Variants in RANBP9 observed in about 807,000 individuals in gnomAD.
RANBP9 encodes RAN binding protein 9.
A neutral mutation model predicts 84.3 loss-of-function variants in RANBP9; 15 were observed. The ratio of observed to expected loss-of-function variants is 0.18; its 90% CI spans 0.12 to 0.27. RANBP9 has a LOEUF of 0.27. Ranked by LOEUF, RANBP9 falls within the 10% of genes least tolerant of loss-of-function variation. The probability of loss-of-function intolerance (pLI) is 1.00; values close to 1 mark genes in which losing one functional copy is unlikely to be tolerated. For missense variants in RANBP9, 809 were observed against 912.8 expected (o/e 0.89, Z 1.46); for synonymous variants, 392 against 349.6 (o/e 1.12, Z -1.35).
intron 2 of RANBP9, among the ~76,000 whole-genome samples, chr6:13,693,720 A>G (rs950534362): frequency 3.3e-5 from 5 of 152,238 alleles, no homozygotes; most frequent in African/African-American, 1.2e-4. Context: ...CTCAGGAGAA[A>G]AAAATGTATA....
At chr6:13,642,384 A>AT (rs1175082620) in intron 7 of RANBP9, 95 bp downstream of exon 7, 1 of 528,902 alleles carries the variant, frequency 1.9e-6, no homozygotes, top group Non-Finnish European at 2.9e-6. Context: ...TATATTTGAA[A>AT]TTTTTTTAAT....
In RANBP9 at chr6:13,652,559, C is replaced by T. The variant is rs893242487; in HGVS notation, c.927+100G>A. The T allele has an allele frequency of 2.0e-5, 23 of 1,143,826 alleles. No homozygotes were observed. The African/African-American group carries it at 3.3e-4, about 16-fold the overall frequency. 70.9% of individuals were successfully genotyped at this position (1,143,826 alleles called of 1,614,324 possible). A position where few individuals can be genotyped will look rare whatever the true frequency, so the allele number is the denominator to read the frequency against. ...CATGTCATATAAACCTAATAAATAT[C>T]AATAAGACTGTATTTTAAACTTTCT... is the stretch of plus-strand genomic sequence containing the variant. On this transcript the variant is annotated intron_variant, in intron 5 of 13. Coordinates refer to ENST00000011619, the MANE Select transcript of RANBP9 (RefSeq NM_005493.3).
chr6:13,642,842 G>A (rs1047945214), intron 6 of RANBP9, among the ~76,000 whole-genome samples: 3 of 152,108 alleles, frequency 2.0e-5, no homozygotes, highest in Admixed American at 6.5e-5. Context: ...TATTACTTGA[G>A]AATCAAGGAC....
intron 2 of RANBP9, among the ~76,000 whole-genome samples, chr6:13,661,334 T>C (rs1365234959): frequency 2.0e-5 from 3 of 152,056 alleles, no homozygotes; most frequent in East Asian, 1.9e-4. Context: ...GAGGAATGAA[T>C]TGAAAATCAA....
chr6:13,623,089 A>C (rs1172048301), intron 13 of RANBP9, among the ~76,000 whole-genome samples: 4 of 152,336 alleles, frequency 2.6e-5, no homozygotes, highest in South Asian at 4.1e-4. Context: ...ACATTTAAAA[A>C]AATGCCAATA....
chr6:13,622,815 G>A (rs768094540), intron 13 of RANBP9, among the ~76,000 whole-genome samples: 4 of 152,180 alleles, frequency 2.6e-5, no homozygotes, highest in Non-Finnish European at 5.9e-5. Flanking sequence ...TGGAGAGTAA[G>A]GAATTATTTC....
intron 8 of RANBP9, 47 bp from the exon 9 acceptor site, chr6:13,639,800 CTTTTA>C (rs764758468): frequency 2.1e-6 from 3 of 1,457,848 alleles, no homozygotes; most frequent in Non-Finnish European, 9.4e-7. Flanking sequence ...TTCAAATGGC[CTTTTA>C]TTTAATAGCA....
intron 2 of RANBP9, among the ~76,000 whole-genome samples, chr6:13,670,171 T>C (rs1765741673): frequency 6.6e-6 from 1 of 152,088 alleles, no homozygotes; most frequent in South Asian, 2.1e-4. Flanking sequence ...CACATGCCTG[T>C]AGTCCCAGCT....
intron 2 of RANBP9, among the ~76,000 whole-genome samples, chr6:13,681,782 G>T (rs1270027054): frequency 6.6e-6 from 1 of 151,844 alleles, no homozygotes; most frequent in Non-Finnish European, 1.5e-5. Context: ...AATAACAAAA[G>T]AATAAATCAA....
intron 2 of RANBP9, among the ~76,000 whole-genome samples, chr6:13,692,540 A>C (rs1289194488): frequency 8.3e-5 from 12 of 145,408 alleles, no homozygotes; most frequent in African/African-American, 5.1e-5. Flanking sequence ...AAAAAAAAAA[A>C]AAAAAAAAAA....
intron 4 of RANBP9, among the ~76,000 whole-genome samples, chr6:13,654,307 T>G (rs145059188): frequency 1.6e-3 from 241 of 152,334 alleles, no homozygotes; most frequent in African/African-American, 5.5e-3. Flanking sequence ...TCCTGATTTG[T>G]CAGGCTTTTT....
chr6:13,625,824 T>C (rs1301484513), intron 12 of RANBP9, 60 bp from the exon 13 acceptor site: 13 of 1,251,866 alleles, frequency 1.0e-5, no homozygotes, highest in Non-Finnish European at 1.5e-5. Context: ...TGCTCACAAA[T>C]GTTTCCAAGT....
chr6:13,698,787 G>C (rs996515920), intron 1 of RANBP9, among the ~76,000 whole-genome samples: 1 of 152,156 alleles, frequency 6.6e-6, no homozygotes, highest in Non-Finnish European at 1.5e-5. Flanking sequence ...GGAAGATAAT[G>C]AAACTCGCCC....
intron 3 of RANBP9, 89 bp downstream of exon 3, chr6:13,658,691 T>C (rs927624177): frequency 8.5e-5 from 89 of 1,049,234 alleles, no homozygotes; most frequent in Admixed American, 1.2e-4. Flanking sequence ...AAAATCAGTA[T>C]CTTTAAATAT....
chr6:13,635,807 A>C (rs966709454), intron 10 of RANBP9, among the ~76,000 whole-genome samples: 30 of 151,780 alleles, frequency 2.0e-4, no homozygotes, highest in African/African-American at 6.8e-4. Context: ...AAAAATACTA[A>C]ACTTTTTTTT....
At chr6:13,672,419 T>C (rs1765797055) in intron 2 of RANBP9, among the ~76,000 whole-genome samples, 1 of 152,062 alleles carries the variant, frequency 6.6e-6, no homozygotes, top group Non-Finnish European at 1.5e-5. Context: ...AGAAATAGAC[T>C]TTTTTTAATT....
chr6:13,700,908 A>T lies in RANBP9; in HGVS notation c.572-4012T>A, dbSNP rs60175532. 9.9e-3 allele frequency among the ~76,000 whole-genome samples: 1,509 copies of T among 152,314 alleles called. 23 individuals carry two copies. Among genetic ancestry groups the T allele is most frequent in the African/African-American group, 0.033 (1,365 of 41,556 alleles). On this transcript the variant is annotated intron_variant, in intron 1 of 13. Transcript: ENST00000011619. Reference sequence around the variant, plus strand: ...GGGTTGCTCCAGCTTTATAGTTTGCATAAGTCCTGTTACTTTTAGCGCATT... The same window carrying T: ...GGGTTGCTCCAGCTTTATAGTTTGCTTAAGTCCTGTTACTTTTAGCGCATT...
intron 1 of RANBP9, among the ~76,000 whole-genome samples, chr6:13,699,881 C>T (rs1449078613): frequency 6.6e-6 from 1 of 152,044 alleles, no homozygotes; most frequent in Non-Finnish European, 1.5e-5. Flanking sequence ...AATAAAAAAT[C>T]AAGTTTTGAA....
chr6:13,660,695 A>C (rs1313176428), intron 2 of RANBP9, among the ~76,000 whole-genome samples: 4 of 152,064 alleles, frequency 2.6e-5, no homozygotes, highest in Admixed American at 6.5e-5. Context: ...GAAAACTCAG[A>C]GTTTTCCCTA....
Sources: allele counts gnomAD v4.1 joint callset (sites outside exome capture counted in the v4.1 genomes callset), GRCh38; gene constraint gnomAD v4.1.1; transcripts MANE v1.5; gene names NCBI Gene and HGNC (gene_info 2026-07-23, HGNC 2026-07-21).